Variants in TFRC observed in about 807,000 individuals in gnomAD.
TFRC encodes transferrin receptor, also known as transferrin receptor protein 1.
TFRC carries 35 observed loss-of-function variants against 85.8 expected under a neutral mutation model. The ratio of observed to expected loss-of-function variants is 0.41; its 90% CI spans 0.31 to 0.54. TFRC has a LOEUF of 0.54. Ranked by LOEUF, TFRC falls within the 20% of genes least tolerant of loss-of-function variation. TFRC has a pLI of 0.31. For synonymous variants in TFRC, 362 were observed against 328.6 expected, an observed-to-expected ratio of 1.10 and a Z score of -1.10; for missense variants, 828 against 921.5, an observed-to-expected ratio of 0.90 and a Z score of 1.31.
In TFRC at chr3:196,051,999, A is replaced by G; in HGVS notation, c.2226T>C (p.Ile742=). The change falls in exon 19 of 19, where the codon ATT becomes ATC. Residue 742 remains isoleucine, a synonymous_variant. Coordinates refer to ENST00000360110, the MANE Select transcript of TFRC (RefSeq NM_001128148.3). Reference sequence around the variant, plus strand: ...CAGAGAGGGCATTTGCAGCTCCCTGAATAGTCCAAGTAGCTAGAGCCAACT... The same window carrying G: ...CAGAGAGGGCATTTGCAGCTCCCTGGATAGTCCAAGTAGCTAGAGCCAACT... ...RNQLALATWT[I]QGAANALSGD... is the part of the protein sequence containing the mutation. The G allele has an allele frequency of 6.2e-7, 1 of 1,614,188 alleles. No homozygotes were observed. The highest frequency in any genetic ancestry group is 8.5e-7 in the Non-Finnish European group (1 of 1,180,024).
In TFRC at chr3:196,063,137, G is replaced by A. The variant is rs1717425849; in HGVS notation, c.1319-198C>T. On this transcript the variant is annotated intron_variant, in intron 11 of 18. Transcript: ENST00000360110. The stretch of plus-strand genomic sequence containing the variant: ...CCCAGGTAAAAGAATAAAAGAATAG[G>A]AATAATTTTTTTTAAAGTAACCTAC... 5 of 519,466 alleles carry A rather than the reference G, an allele frequency of 9.6e-6. No homozygotes were observed. In the East Asian group the frequency reaches 1.3e-4, roughly 14 times the overall value. The allele number at this position is 519,466 out of a possible 1,614,324, so 32.2% of individuals were successfully genotyped here.
Position 196,065,577 on chromosome 3 carries a change from G to A in TFRC, c.1064C>T (p.Ser355Phe), listed in dbSNP as rs57726969. 1 of 1,608,960 alleles carries A rather than the reference G, an allele frequency of 6.2e-7. No homozygotes were observed. The highest frequency in any genetic ancestry group is 8.5e-7 in the Non-Finnish European group (1 of 1,178,884). ...LFGNMEGDCP[S>F]DWKTDSTCRM... is the part of the protein sequence containing the mutation. ...ACATGTAGAGTCTGTTTTCCAGTCA[G>A]AGGGACAGTCTCCTTCCATATTCCT... Residue 355 changes from serine (S) to phenylalanine (F), a missense_variant, in exon 10 of 19, where the codon TCT becomes TTT. By Grantham distance (155) the Ser-to-Phe change is radical (BLOSUM62 -2). Transcript: ENST00000360110.
intron 1 of TFRC, among the ~76,000 whole-genome samples, chr3:196,081,015 G>A (rs1174860986): frequency 1.3e-5 from 2 of 152,154 alleles, no homozygotes; most frequent in Admixed American, 1.3e-4. Flanking sequence ...GGGTAAGTGA[G>A]GTCTCTACAA....
intron 18 of TFRC, 108 bp from the exon 19 acceptor site, chr3:196,052,292 C>CAAT: frequency 1.8e-6 from 1 of 546,024 alleles, no homozygotes; most frequent in Non-Finnish European, 2.9e-6. Flanking sequence ...GCCGATCAGA[C>CAAT]TTTTTTTTTT....
At chr3:196,059,505 C>T (rs1717090648) in intron 14 of TFRC, among the ~76,000 whole-genome samples, 1 of 152,210 alleles carries the variant, frequency 6.6e-6, no homozygotes, top group Non-Finnish European at 1.5e-5. Context: ...CCTAGTATCT[C>T]TTGGATCAAG....
At position 196,069,464 on chromosome 3, in the gene TFRC, A is replaced by C; in HGVS notation, c.792T>G (p.Phe264Leu). 1.2e-6 allele frequency: 2 copies of C among 1,603,784 alleles called. No homozygotes were observed. The highest frequency in any genetic ancestry group is 1.7e-6 in the Non-Finnish European group (2 of 1,171,354). Residue 264 changes from phenylalanine (F) to leucine (L), a missense_variant, in exon 7 of 19, where the codon TTT becomes TTG. Transcript: ENST00000360110. ...AATAACTCATACTCACCTTTTCTGC[A>C]AAGGTGATTTTCCCTGCTCTGACAA... ...IVIVRAGKIT[F>L]AEKVANAESL...
chr3:196,062,188 A>C (rs1717334032), intron 13 of TFRC, among the ~76,000 whole-genome samples: 2 of 151,708 alleles, frequency 1.3e-5, no homozygotes, highest in African/African-American at 4.8e-5. Flanking sequence ...ACTGCACTCT[A>C]GCCTGGGCAA....
chr3:196,060,605 T>C (rs1445950716), intron 13 of TFRC: 2 of 182,266 alleles, frequency 1.1e-5, no homozygotes, highest in Non-Finnish European at 2.3e-5. Context: ...GAGACCATCT[T>C]GGCTGGCACA....
intron 17 of TFRC, 132 bp from the exon 18 acceptor site, chr3:196,053,690 C>T: frequency 9.3e-7 from 1 of 1,079,956 alleles, no homozygotes; most frequent in Non-Finnish European, 1.3e-6. Context: ...ACTCCGAAAG[C>T]ACCTTGCACA....
At chr3:196,053,662 C>T in intron 17 of TFRC, 104 bp from the exon 18 acceptor site, 1 of 1,452,742 alleles carries the variant, frequency 6.9e-7, no homozygotes, top group Non-Finnish European at 9.5e-7. Flanking sequence ...ATAAAAGGAA[C>T]TCGCAGATAA....
intron 14 of TFRC, 66 bp downstream of exon 14, chr3:196,060,114 T>C: frequency 7.5e-7 from 1 of 1,325,396 alleles, no homozygotes; most frequent in Non-Finnish European, 1.1e-6. Context: ...CATATCAGTG[T>C]TTTTTATCTC....
At chr3:196,064,962 A>G (rs41295875) in intron 10 of TFRC, among the ~76,000 whole-genome samples, 151 of 152,324 alleles carry the variant, frequency 9.9e-4, no homozygotes, top group African/African-American at 3.6e-3. Flanking sequence ...ACCTCCCAAT[A>G]AAACTGACAC....
At chr3:196,060,825 A>AAAAAAAAAAAAAAAAAAAT (rs1310502711) in intron 13 of TFRC, among the ~76,000 whole-genome samples, 1 of 141,054 alleles carries the variant, frequency 7.1e-6, no homozygotes, top group Non-Finnish European at 1.6e-5. Context: ...AAAAAAAAAA[A>AAAAAAAAAAAAAAAAAAAT]ATCAGACCAG....
In TFRC at chr3:196,068,135, A is replaced by G. The variant is rs1394516531; in HGVS notation, c.802-5T>C. The stretch of plus-strand genomic sequence containing the variant: ...TAAGCTTTCAGCATTTGCAACCTAA[A>G]AGAAAACATATAAAGCTCAGAAAAT... On this transcript the variant is annotated splice_region_variant and splice_polypyrimidine_tract_variant and intron_variant, in intron 7 of 18. Transcript: ENST00000360110. 4 of 1,603,284 alleles carry G rather than the reference A, an allele frequency of 2.5e-6. No homozygotes were observed. In the Admixed American group the frequency reaches 6.7e-5, roughly 27 times the overall value.
intron 3 of TFRC, among the ~76,000 whole-genome samples, chr3:196,074,652 G>A (rs36084301): frequency 0.035 from 5,357 of 151,984 alleles, 126 homozygotes; most frequent in South Asian, 0.099. Flanking sequence ...AGGCTGAGGC[G>A]GGCAGATCAC....
rs17091378 is a variant in TFRC, at chr3:196,049,866, A to C, written c.*2076T>G. 7,632 of 231,300 alleles carry C rather than the reference A, an allele frequency of 0.033. 598 individuals are homozygous for C. The highest frequency in any genetic ancestry group is 0.16 in the African/African-American group (7,086 of 45,308). 14.3% of individuals were successfully genotyped at this position (231,300 alleles called of 1,614,324 possible). A position where few individuals can be genotyped will look rare whatever the true frequency, so the allele number is the denominator to read the frequency against. On this transcript the variant is annotated 3_prime_UTR_variant, in exon 19 of 19. Transcript: ENST00000360110. The stretch of plus-strand genomic sequence containing the variant: ...GTGACACATTCAAGTGAGGCTGTAA[A>C]TCTAGGTAAGTGACACTAAGAACCT...
intron 8 of TFRC, 57 bp downstream of exon 8, chr3:196,067,975 G>A (rs985594204): frequency 6.4e-6 from 9 of 1,402,116 alleles, no homozygotes; most frequent in East Asian, 2.3e-5. Context: ...GCTAATACAG[G>A]AATCCAAGAA....
intron 4 of TFRC, 146 bp downstream of exon 4, chr3:196,073,784 G>C: frequency 2.5e-6 from 2 of 797,606 alleles, no homozygotes; most frequent in Non-Finnish European, 3.6e-6. Flanking sequence ...GTTTTTTACA[G>C]GCCCCTTCCC....
chr3:196,076,467 T>G (rs1718708649), intron 2 of TFRC, among the ~76,000 whole-genome samples: 1 of 135,476 alleles, frequency 7.4e-6, no homozygotes, highest in Non-Finnish European at 1.7e-5. Flanking sequence ...TTTTTTTTTT[T>G]GAGACGGAGT....
Sources: gnomAD v4.1 joint callset for allele counts (sites outside exome capture counted in the v4.1 genomes callset) on GRCh38, gnomAD v4.1.1 for gene constraint, MANE v1.5 for transcripts, NCBI Gene and HGNC (gene_info 2026-07-23, HGNC 2026-07-21) for gene names.